Variants in LYPLAL1 observed in about 807,000 individuals in gnomAD.
LYPLAL1 encodes the protein lysophospholipase-like protein 1.
LYPLAL1 carries 23 observed loss-of-function variants against 19.7 expected under a neutral mutation model. That is an observed-to-expected ratio of 1.17 (90% confidence interval 0.84 to 1.65). The LOEUF is 1.65. Among genes scored for constraint, LYPLAL1 ranks in the 40% most tolerant of loss-of-function variants. The pLI, the probability that LYPLAL1 is intolerant of heterozygous loss-of-function variation, is 0.00. For missense variants in LYPLAL1, 355 were observed against 279.4 expected, an observed-to-expected ratio of 1.27 and a Z score of -1.93; for synonymous variants, 119 against 96.3, an observed-to-expected ratio of 1.24 and a Z score of -1.38.
At chr1:219,213,204 G>A (rs933942609), downstream of LYPLAL1, among the ~76,000 whole-genome samples, 14 of 151,868 alleles carry the variant, frequency 9.2e-5, no homozygotes, top group African/African-American at 3.1e-4. Context: ...AAATATTTTT[G>A]CACCTTTGTC....
the LYPLAL1 span, among the ~76,000 whole-genome samples, chr1:219,321,219 G>C: frequency 9.2e-5 from 14 of 152,312 alleles, no homozygotes; most frequent in Non-Finnish European, 1.9e-4. Context: ...TCATGTGTCT[G>C]TTGGCTGCAT....
the LYPLAL1 span, among the ~76,000 whole-genome samples, chr1:219,304,757 A>G: frequency 6.6e-6 from 1 of 152,228 alleles, no homozygotes; most frequent in Admixed American, 6.5e-5. Context: ...CTAGATTGCC[A>G]TGAAAACACA....
At chr1:219,374,430 T>G in the LYPLAL1 span, among the ~76,000 whole-genome samples, 1 of 151,962 alleles carries the variant, frequency 6.6e-6, no homozygotes, top group Non-Finnish European at 1.5e-5. Flanking sequence ...GGCAAAAACT[T>G]CCAAAGAGTG....
chr1:219,176,885 C>G (rs1655862305), intron 1 of LYPLAL1, among the ~76,000 whole-genome samples: 1 of 152,148 alleles, frequency 6.6e-6, no homozygotes, highest in African/African-American at 2.4e-5. Flanking sequence ...AGGCACTGTT[C>G]TGTGCTCTGA....
intron 3 of LYPLAL1, among the ~76,000 whole-genome samples, chr1:219,203,953 A>G (rs540087812): frequency 2.2e-4 from 33 of 152,310 alleles, no homozygotes; most frequent in African/African-American, 7.7e-4. Context: ...GGGTTTAGCT[A>G]TGAAAATTTT....
chr1:219,177,256 A>G (rs1255349940), intron 1 of LYPLAL1, among the ~76,000 whole-genome samples: 1 of 152,162 alleles, frequency 6.6e-6, no homozygotes, highest in Non-Finnish European at 1.5e-5. Context: ...GCATCCAGGT[A>G]GTGTAGGGCA....
At chr1:219,206,548 CA>C (rs1479825603) in intron 3 of LYPLAL1, among the ~76,000 whole-genome samples, 1 of 151,924 alleles carries the variant, frequency 6.6e-6, no homozygotes, top group Non-Finnish European at 1.5e-5. Context: ...GATTACCTCA[CA>C]AAATCATAAA....
the LYPLAL1 span, among the ~76,000 whole-genome samples, chr1:219,304,785 G>A: frequency 4.6e-5 from 7 of 152,000 alleles, no homozygotes; most frequent in East Asian, 1.9e-4. Context: ...ATGCCAAGTC[G>A]TCTACACAGA....
chr1:219,286,597 G>T, the LYPLAL1 span, among the ~76,000 whole-genome samples: 1 of 152,170 alleles, frequency 6.6e-6, no homozygotes, highest in Non-Finnish European at 1.5e-5. Flanking sequence ...AACAGAAGCT[G>T]CCAGGCCTCC....
chr1:219,426,043 T>G, the LYPLAL1 span, among the ~76,000 whole-genome samples: 38 of 152,328 alleles, frequency 2.5e-4, no homozygotes, highest in Non-Finnish European at 5.3e-4. Context: ...CGGTAGAGAC[T>G]TCACAAGAAG....
At chr1:219,204,623 GTAATGTTTT>G (rs1230818205) in intron 3 of LYPLAL1, among the ~76,000 whole-genome samples, 2 of 152,142 alleles carry the variant, frequency 1.3e-5, no homozygotes, top group Admixed American at 6.5e-5. Flanking sequence ...TTCTATTTAG[GTAATGTTTT>G]AAGTTCTGAA....
At chr1:219,400,030 A>G in the LYPLAL1 span, among the ~76,000 whole-genome samples, 1 of 152,118 alleles carries the variant, frequency 6.6e-6, no homozygotes, top group Non-Finnish European at 1.5e-5. Flanking sequence ...GGGATTCCAG[A>G]GGTCCAAGGT....
chr1:219,257,958 C>T, the LYPLAL1 span, among the ~76,000 whole-genome samples: 2 of 151,878 alleles, frequency 1.3e-5, no homozygotes, highest in African/African-American at 4.8e-5. Flanking sequence ...TGCATTCCTT[C>T]CCCAGGGTGT....
the LYPLAL1 span, among the ~76,000 whole-genome samples, chr1:219,226,026 T>C: frequency 6.6e-6 from 1 of 152,210 alleles, no homozygotes; most frequent in Non-Finnish European, 1.5e-5. Flanking sequence ...AGTGACGCAA[T>C]GCCTTGCCCA....
the LYPLAL1 span, among the ~76,000 whole-genome samples, chr1:219,295,911 A>G: frequency 1.3e-5 from 2 of 152,174 alleles, no homozygotes; most frequent in Admixed American, 6.5e-5. Context: ...ACCTTCTCCA[A>G]TGAATGCTAA....
the LYPLAL1 span, among the ~76,000 whole-genome samples, chr1:219,435,866 T>C: frequency 6.6e-6 from 1 of 152,060 alleles, no homozygotes; most frequent in Non-Finnish European, 1.5e-5. Flanking sequence ...GAAAGATCAG[T>C]GACACATCCC....
chr1:219,240,369 A>G, the LYPLAL1 span, among the ~76,000 whole-genome samples: 1 of 152,226 alleles, frequency 6.6e-6, no homozygotes, highest in African/African-American at 2.4e-5. Flanking sequence ...ACAAAGTGAC[A>G]GACCTAGGGT....
the LYPLAL1 span, among the ~76,000 whole-genome samples, chr1:219,318,548 T>A: frequency 1.5e-4 from 23 of 152,314 alleles, no homozygotes; most frequent in African/African-American, 5.3e-4. Context: ...ATGTACTTAA[T>A]AAATACTAAT....
chr1:219,208,959 A>G (rs1262453435), intron 3 of LYPLAL1, among the ~76,000 whole-genome samples: 1 of 152,106 alleles, frequency 6.6e-6, no homozygotes, highest in Non-Finnish European at 1.5e-5. Context: ...TTAATGCACA[A>G]ATTCATGGAT....
Sources: gnomAD v4.1 joint callset for allele counts (sites outside exome capture counted in the v4.1 genomes callset) on GRCh38, gnomAD v4.1.1 for gene constraint, MANE v1.5 for transcripts, NCBI Gene and HGNC (gene_info 2026-07-23, HGNC 2026-07-21) for gene names.